Variants in CREB1 observed in about 807,000 individuals in gnomAD.
The protein encoded by CREB1 is cyclic AMP-responsive element-binding protein 1.
A neutral mutation model predicts 42.0 loss-of-function variants in CREB1; 2 were observed. The observed-to-expected ratio is 0.05, with a 90% CI of 0.02 to 0.15. The LOEUF (loss-of-function observed/expected upper bound fraction) is 0.15. CREB1 is among the 10% of genes least tolerant of loss of function. The probability of loss-of-function intolerance (pLI) is 1.00; values close to 1 mark genes in which losing one functional copy is unlikely to be tolerated. For synonymous variants in CREB1, 123 were observed against 139.9 expected (o/e 0.88, Z 0.85); for missense variants, 199 against 388.9 (o/e 0.51, Z 4.11).
In CREB1 at chr2:207,596,906, G is replaced by T. The variant is rs1466926232; in HGVS notation, c.840-8G>T. On this transcript the variant is annotated splice_polypyrimidine_tract_variant and splice_region_variant and intron_variant, in intron 7 of 7. Coordinates refer to ENST00000353267, the MANE Select transcript of CREB1 (RefSeq NM_004379.5). ...TGCATAATTTTTCCCGTCCTCTTTT[G>T]CTTGTAGGGAAGCAGCTCGAGAGTG... 1 of 1,601,228 alleles carries T rather than the reference G, an allele frequency of 6.2e-7. No homozygotes were observed. The highest frequency in any genetic ancestry group is 8.5e-7 in the Non-Finnish European group (1 of 1,176,750).
chr2:207,555,830 T>C (rs922442516), intron 2 of CREB1, 81 bp downstream of exon 2: 6 of 792,374 alleles, frequency 7.6e-6, no homozygotes, highest in Admixed American at 2.2e-5. Context: ...TGTTATTACA[T>C]AGATATACAT....
intron 5 of CREB1, chr2:207,571,870 A>G (rs2082379263): frequency 2.7e-6 from 1 of 376,672 alleles, no homozygotes; most frequent in Admixed American, 3.1e-5. Flanking sequence ...TTAGAAAAGT[A>G]CCAGCACCCC....
intron 7 of CREB1, among the ~76,000 whole-genome samples, chr2:207,589,858 T>C (rs930161490): frequency 3.9e-5 from 6 of 152,174 alleles, no homozygotes; most frequent in African/African-American, 1.4e-4. Flanking sequence ...TTGCTAATAT[T>C]TTGTTGAGGA....
intron 7 of CREB1, among the ~76,000 whole-genome samples, chr2:207,585,212 AC>A (rs1355205518): frequency 6.6e-6 from 1 of 152,202 alleles, no homozygotes; most frequent in Non-Finnish European, 1.5e-5. Context: ...GTGTCCACAT[AC>A]CAGCCAACCT....
intron 2 of CREB1, among the ~76,000 whole-genome samples, chr2:207,557,063 G>A (rs1485553886): frequency 6.6e-6 from 1 of 152,064 alleles, no homozygotes; most frequent in African/African-American, 2.4e-5. Context: ...GCTTAAGTCC[G>A]GGAGGCAGAG....
intron 7 of CREB1, among the ~76,000 whole-genome samples, chr2:207,585,955 A>G (rs2083745191): frequency 6.6e-6 from 1 of 151,734 alleles, no homozygotes; most frequent in South Asian, 2.1e-4. Context: ...CCTATTTAAC[A>G]AAATAATCAC....
At chr2:207,567,296 T>C (rs1006541553) in intron 3 of CREB1, among the ~76,000 whole-genome samples, 167 bp from the exon 4 acceptor site, 7 of 152,016 alleles carry the variant, frequency 4.6e-5, no homozygotes, top group East Asian at 1.9e-4. Flanking sequence ...GTTTATAGGG[T>C]AAGTAAAGGG....
At chr2:207,592,619 A>G (rs1357113994) in intron 7 of CREB1, among the ~76,000 whole-genome samples, 2 of 152,018 alleles carry the variant, frequency 1.3e-5, no homozygotes, top group East Asian at 3.9e-4. Flanking sequence ...GGTGTCTGTC[A>G]TTAATTTTAG....
At chr2:207,574,728 T>A (rs556326819) in intron 5 of CREB1, among the ~76,000 whole-genome samples, 2 of 152,232 alleles carry the variant, frequency 1.3e-5, no homozygotes, top group African/African-American at 4.8e-5. Context: ...AGTTGTTTCA[T>A]TGAGTGGATT....
At chr2:207,543,008 C>T (rs2081156511) in intron 1 of CREB1, among the ~76,000 whole-genome samples, 1 of 152,078 alleles carries the variant, frequency 6.6e-6, no homozygotes, top group Non-Finnish European at 1.5e-5. Context: ...GTTCCAGGAC[C>T]CCTTCAGGTA....
rs1432816348 is a variant in CREB1, at chr2:207,602,361, C to T, written c.*5303C>T. 5.0e-6 allele frequency: 1 copy of T among 201,942 alleles called. No individual in the cohort carries two copies. Among genetic ancestry groups the T allele is most frequent in the Non-Finnish European group, 1.0e-5 (1 of 98,396 alleles). 12.5% of individuals were successfully genotyped at this position (201,942 alleles called of 1,614,324 possible). A position where few individuals can be genotyped will look rare whatever the true frequency, so the allele number is the denominator to read the frequency against. On this transcript the variant is annotated 3_prime_UTR_variant, in exon 8 of 8. Transcript: ENST00000353267. ...GCATTCTGGTACGGTGGGTGCAGGT[C>T]CCAGCTGGGTATGACATGATACATT...
chr2:207,560,406 TAAC>T (rs2106481106), intron 3 of CREB1, 34 bp downstream of exon 3: 1 of 1,595,570 alleles, frequency 6.3e-7, no homozygotes, highest in Non-Finnish European at 8.6e-7. Context: ...TCTATTTTAA[TAAC>T]TTTTGTTTAT....
chr2:207,588,808 T>G (rs2084397598), intron 7 of CREB1, among the ~76,000 whole-genome samples: 1 of 149,598 alleles, frequency 6.7e-6, no homozygotes, highest in Non-Finnish European at 1.5e-5. Flanking sequence ...TGCTGGTATA[T>G]GGAAATAAAA....
chr2:207,566,399 T>G (rs1339880630), intron 3 of CREB1, among the ~76,000 whole-genome samples: 2 of 152,220 alleles, frequency 1.3e-5, no homozygotes, highest in East Asian at 1.9e-4. Context: ...AATGTGCCCC[T>G]AGTTCAGGAA....
Position 207,605,731 on chromosome 2 carries a change from C to T in CREB1, c.*8673C>T, listed in dbSNP as rs2087980301. Among the ~76,000 whole-genome samples the T allele has an allele frequency of 6.6e-6, 1 of 152,104 alleles. No homozygotes were observed. Among genetic ancestry groups the T allele is most frequent in the Non-Finnish European group, 1.5e-5 (1 of 68,022 alleles). ...AGTTTAACCAGTCCTCTTCTGGGGA[C>T]ATTTGGCTGTTTGAAATTTTTTACT... On this transcript the variant is annotated 3_prime_UTR_variant, in exon 8 of 8. Transcript: ENST00000353267.
rs67598600 is a variant in CREB1 at position 207,575,934 on chromosome 2, T to TCC, written c.688+493_688+494dup. ...AAGTTCAGGATTCTGTTTCTCTGCT[T>TCC]CCCCCCCCCCCCCCAAAAGAAATTT... On this transcript the variant is annotated intron_variant, in intron 6 of 7. Coordinates refer to ENST00000353267, the MANE Select transcript of CREB1 (RefSeq NM_004379.5). Among the ~76,000 whole-genome samples the TCC allele has an allele frequency of 3.2e-3, 45 of 14,186 alleles. 1 individual carries two copies. The highest frequency in any genetic ancestry group is 0.091 in the East Asian group (2 of 22). 9.3% of individuals were successfully genotyped at this position (14,186 alleles called of 152,430 possible).
At position 207,602,746 on chromosome 2, in the gene CREB1, TTATTTA is replaced by T; in HGVS notation, c.*5693_*5698del. The T allele has an allele frequency of 4.7e-6, 1 of 211,598 alleles. No individual in the cohort carries two copies. Among genetic ancestry groups the T allele is most frequent in the East Asian group, 7.1e-5 (1 of 14,162 alleles). The allele number at this position is 211,598 out of a possible 1,614,324, so 13.1% of individuals were successfully genotyped here. A position where few individuals can be genotyped will look rare whatever the true frequency, so the allele number is the denominator to read the frequency against. ...ACTCCAATTTGTGTATGTAATAAAA[TTATTTA>T]TATTAAAAGTGGGAAATAATTGTCA... On this transcript the variant is annotated 3_prime_UTR_variant, in exon 8 of 8. Coordinates refer to ENST00000353267, the MANE Select transcript of CREB1 (RefSeq NM_004379.5).
intron 1 of CREB1, among the ~76,000 whole-genome samples, chr2:207,551,789 A>G (rs2081513517): frequency 2.6e-5 from 4 of 152,106 alleles, no homozygotes. Context: ...AACACCTGCA[A>G]TCCCAGCACT....
intron 3 of CREB1, among the ~76,000 whole-genome samples, chr2:207,566,963 TAGG>T (rs1357595035): frequency 3.3e-5 from 5 of 152,284 alleles, no homozygotes; most frequent in East Asian, 3.9e-4. Context: ...TGAAACATGT[TAGG>T]AGTTTTTCCT....
Sources: gnomAD v4.1 joint callset for allele counts (sites outside exome capture counted in the v4.1 genomes callset) on GRCh38, gnomAD v4.1.1 for gene constraint, MANE v1.5 for transcripts, NCBI Gene and HGNC (gene_info 2026-07-23, HGNC 2026-07-21) for gene names.